Variants in METTL24 observed in about 807,000 individuals in gnomAD.
METTL24 encodes methyltransferase like 24.
Under a neutral mutation model 32.7 loss-of-function variants are expected in METTL24, and 29 were observed. The observed-to-expected ratio is 0.89, with a 90% confidence interval of 0.66 to 1.21. The LOEUF (loss-of-function observed/expected upper bound fraction) is 1.21. METTL24 is among the 50% of genes most tolerant of loss of function. The pLI, the probability that METTL24 is intolerant of heterozygous loss-of-function variation, is 0.00. For missense variants in METTL24, 439 were observed against 468.1 expected, an observed-to-expected ratio of 0.94 and a Z score of 0.57; for synonymous variants, 163 against 179.5, an observed-to-expected ratio of 0.91 and a Z score of 0.73.
At chr6:110,269,655 T>C (rs896451428) in intron 4 of METTL24, among the ~76,000 whole-genome samples, 1 of 152,106 alleles carries the variant, frequency 6.6e-6, no homozygotes, top group African/African-American at 2.4e-5. Flanking sequence ...TGTTTGTTTG[T>C]TTGTTTTGTT....
At chr6:110,313,627 A>G (rs1771765029) in intron 3 of METTL24, among the ~76,000 whole-genome samples, 1 of 152,222 alleles carries the variant, frequency 6.6e-6, no homozygotes, top group East Asian at 1.9e-4. Context: ...ACGTGGTACT[A>G]TGCAATTTTT....
At chr6:110,335,869 CCT>C (rs1434892968) in intron 1 of METTL24, among the ~76,000 whole-genome samples, 2 of 152,208 alleles carry the variant, frequency 1.3e-5, no homozygotes, top group Non-Finnish European at 2.9e-5. Flanking sequence ...CTGGCCCAGG[CCT>C]CTAGGCTGCT....
intron 1 of METTL24, among the ~76,000 whole-genome samples, chr6:110,329,064 AT>A (rs1297110792): frequency 2.6e-5 from 4 of 152,232 alleles, no homozygotes; most frequent in Non-Finnish European, 5.9e-5. Flanking sequence ...CCTTTGGAGG[AT>A]GAAATTATAT....
chr6:110,313,080 A>C (rs1771754943), intron 3 of METTL24, among the ~76,000 whole-genome samples: 1 of 152,244 alleles, frequency 6.6e-6, no homozygotes, highest in East Asian at 1.9e-4. Flanking sequence ...GTCATAGCTG[A>C]AGTGTGAATT....
chr6:110,307,983 G>T (rs1771654430), intron 3 of METTL24, among the ~76,000 whole-genome samples: 1 of 152,148 alleles, frequency 6.6e-6, no homozygotes, highest in Non-Finnish European at 1.5e-5. Context: ...AGCTGTTGAA[G>T]AAATAGGAAG....
At chr6:110,291,592 T>A (rs1323343672) in intron 4 of METTL24, among the ~76,000 whole-genome samples, 1 of 152,204 alleles carries the variant, frequency 6.6e-6, no homozygotes. Context: ...GTTTGTTATA[T>A]AGATAAACCT....
chr6:110,352,774 C>T (rs1339257577), intron 1 of METTL24, among the ~76,000 whole-genome samples: 1 of 152,062 alleles, frequency 6.6e-6, no homozygotes, highest in African/African-American at 2.4e-5. Flanking sequence ...ACAAAGCATG[C>T]CAAACTCCTT....
chr6:110,289,260 T>C (rs1260218457), intron 4 of METTL24, among the ~76,000 whole-genome samples: 1 of 152,158 alleles, frequency 6.6e-6, no homozygotes, highest in Non-Finnish European at 1.5e-5. Flanking sequence ...ACCAATGCAA[T>C]AATTAGAATG....
At chr6:110,357,880 G>A (rs1562248491) in intron 1 of METTL24, 75 bp downstream of exon 1, 2 of 882,826 alleles carry the variant, frequency 2.3e-6, no homozygotes, top group Non-Finnish European at 1.4e-6. Context: ...TGCGGGACCT[G>A]AGCGCCGGGC....
At chr6:110,308,339 A>C (rs1280718213) in intron 3 of METTL24, among the ~76,000 whole-genome samples, 3 of 152,176 alleles carry the variant, frequency 2.0e-5, no homozygotes, top group Admixed American at 6.5e-5. Context: ...TTCTTTTAAA[A>C]ATATTCCCAA....
intron 1 of METTL24, among the ~76,000 whole-genome samples, chr6:110,350,762 C>CAAAAT (rs57785468): frequency 0.074 from 8,604 of 115,838 alleles, 622 homozygotes; most frequent in East Asian, 0.23. Context: ...CCTGTCTCAA[C>CAAAAT]AAAATAAAAT....
At chr6:110,305,957 A>T (rs1244018745) in intron 3 of METTL24, among the ~76,000 whole-genome samples, 1 of 152,254 alleles carries the variant, frequency 6.6e-6, no homozygotes, top group African/African-American at 2.4e-5. Flanking sequence ...TGGATAAAGA[A>T]AATGTGGCAC....
At chr6:110,295,839 A>AAGGAAGGTAGGT (rs1489372551) in intron 4 of METTL24, among the ~76,000 whole-genome samples, 1 of 149,174 alleles carries the variant, frequency 6.7e-6, no homozygotes, top group African/African-American at 2.4e-5. Flanking sequence ...GGAAGGAAGG[A>AAGGAAGGTAGGT]AGGTTCTCTA....
At chr6:110,301,276 A>G (rs1771512317) in intron 3 of METTL24, among the ~76,000 whole-genome samples, 1 of 152,172 alleles carries the variant, frequency 6.6e-6, no homozygotes, top group South Asian at 2.1e-4. Flanking sequence ...CACACAGCTC[A>G]GACCACTGAA....
intron 1 of METTL24, among the ~76,000 whole-genome samples, chr6:110,327,922 CT>C: frequency 6.6e-6 from 1 of 152,342 alleles, no homozygotes; most frequent in South Asian, 2.1e-4. Context: ...AACGCCACCC[CT>C]ATTGCTCCCA....
intron 1 of METTL24, among the ~76,000 whole-genome samples, chr6:110,356,796 C>G (rs1247881844): frequency 1.3e-5 from 2 of 152,116 alleles, no homozygotes; most frequent in Non-Finnish European, 2.9e-5. Context: ...GTGAGGTTTG[C>G]GAGATAGAAA....
intron 4 of METTL24, among the ~76,000 whole-genome samples, chr6:110,266,593 T>C (rs1183404552): frequency 1.3e-5 from 2 of 152,132 alleles, no homozygotes; most frequent in Non-Finnish European, 2.9e-5. Flanking sequence ...ACCACCACAC[T>C]GTCCTATCCC....
intron 2 of METTL24, among the ~76,000 whole-genome samples, chr6:110,318,455 C>T (rs1424235911): frequency 3.3e-5 from 5 of 151,856 alleles, no homozygotes; most frequent in Admixed American, 2.6e-4. Context: ...TGAGACCAGC[C>T]TGGCCAGCAT....
chr6:110,286,374 C>G (rs973842109), intron 4 of METTL24, among the ~76,000 whole-genome samples: 1 of 152,176 alleles, frequency 6.6e-6, no homozygotes, highest in African/African-American at 2.4e-5. Flanking sequence ...CTCCTGGGCT[C>G]TATCTCAGAA....
Sources: allele counts gnomAD v4.1 joint callset (sites outside exome capture counted in the v4.1 genomes callset), GRCh38; gene constraint gnomAD v4.1.1; transcripts MANE v1.5; gene names NCBI Gene and HGNC (gene_info 2026-07-23, HGNC 2026-07-21).